Variants in DMPK observed in about 807,000 individuals in gnomAD.
DMPK encodes DM1 protein kinase.
A neutral mutation model predicts 70.3 loss-of-function variants in DMPK; 32 were observed. The observed-to-expected ratio is 0.46, with a 90% CI of 0.34 to 0.61. DMPK has a LOEUF of 0.61. Ranked by LOEUF, DMPK falls within the 20% of genes least tolerant of loss-of-function variation. The pLI, the probability that DMPK is intolerant of heterozygous loss-of-function variation, is 0.01. For synonymous variants in DMPK, 469 were observed against 390.9 expected (o/e 1.20, Z -2.36); for missense variants, 899 against 886.0 (o/e 1.01, Z -0.19).
intron 9 of DMPK, 105 bp from the exon 10 acceptor site, chr19:45,772,857 C>T: frequency 1.8e-6 from 1 of 568,746 alleles, no homozygotes; most frequent in South Asian, 2.9e-5. Context: ...CCAAGACCTC[C>T]TGATTTGAGG....
intron 8 of DMPK, 59 bp from the exon 9 acceptor site, chr19:45,775,093 T>C (rs638474): frequency 7.2e-7 from 1 of 1,379,796 alleles, no homozygotes; most frequent in East Asian, 2.4e-5. Context: ...CACTGCTTTT[T>C]GATCTTGGCT....
intron 9 of DMPK, among the ~76,000 whole-genome samples, chr19:45,773,507 A>C (rs1197455503): frequency 6.6e-6 from 1 of 152,166 alleles, no homozygotes; most frequent in African/African-American, 2.4e-5. Flanking sequence ...AAACCAAAAA[A>C]ACACCTGTTC....
intron 1 of DMPK, chr19:45,780,455 C>T: frequency 8.0e-7 from 1 of 1,253,990 alleles, no homozygotes; most frequent in Non-Finnish European, 1.0e-6. Flanking sequence ...TCCGGTCCAG[C>T]CCATCTCTCA....
intron 10 of DMPK, chr19:45,772,402 C>G: frequency 2.4e-6 from 1 of 420,500 alleles, no homozygotes; most frequent in Non-Finnish European, 4.2e-6. Context: ...TTCTCCTTCA[C>G]CAGCGCTCAG....
At chr19:45,772,240 C>T (rs1568574871) in intron 10 of DMPK, 1 of 409,054 alleles carries the variant, frequency 2.4e-6, no homozygotes, top group Non-Finnish European at 4.3e-6. Context: ...AAAGGCCTTG[C>T]TGGGTTTTGT....
Position 45,782,436 on chromosome 19 carries a change from C to A in DMPK, c.-84G>T, listed in dbSNP as rs1005916014. Reference sequence around the variant, plus strand: ...CAGGGCCTGGCAGCCCCTGTCCAGGCCCTGGAGCCCTGGCTGCATGTCTGC... The same window carrying A: ...CAGGGCCTGGCAGCCCCTGTCCAGGACCTGGAGCCCTGGCTGCATGTCTGC... On this transcript the variant is annotated 5_prime_UTR_variant, in exon 1 of 15. Coordinates refer to ENST00000291270, the MANE Select transcript of DMPK (RefSeq NM_004409.5). The A allele has an allele frequency of 7.2e-6, 10 of 1,388,444 alleles. No individual in the cohort carries two copies. Among genetic ancestry groups the A allele is most frequent in the South Asian group, 1.5e-5 (1 of 67,260 alleles). 86.0% of individuals were successfully genotyped at this position (1,388,444 alleles called of 1,614,324 possible). A position where few individuals can be genotyped will look rare whatever the true frequency, so the allele number is the denominator to read the frequency against.
intron 8 of DMPK, chr19:45,775,270 C>T (rs1427412354): frequency 6.7e-6 from 3 of 444,466 alleles, no homozygotes; most frequent in African/African-American, 2.1e-5. Flanking sequence ...CAGGTTCAGG[C>T]GATTCTCCTG....
intron 1 of DMPK, chr19:45,780,404 G>A: frequency 7.1e-7 from 1 of 1,413,140 alleles, no homozygotes; most frequent in Non-Finnish European, 9.4e-7. Context: ...ACAGGACAGG[G>A]AGACAAAGGT....
At position 45,770,262 on chromosome 19, in the gene DMPK, C is replaced by CAGCAGCAGCAGCAGCAGCATT. The variant is rs1376805049; in HGVS notation, c.*225_*226insAATGCTGCTGCTGCTGCTGCT. 13 of 644,020 alleles carry CAGCAGCAGCAGCAGCAGCATT rather than the reference C, an allele frequency of 2.0e-5. No individual in the cohort carries two copies. The East Asian group carries it at 3.6e-4, about 18-fold the overall frequency. The allele number at this position is 644,020 out of a possible 1,614,324, so 39.9% of individuals were successfully genotyped here. On this transcript the variant is annotated 3_prime_UTR_variant, in exon 15 of 15. Coordinates refer to ENST00000291270, the MANE Select transcript of DMPK (RefSeq NM_004409.5). ...GCAGCAGCAGCAGCAGCAGCAGCAG[C>CAGCAGCAGCAGCAGCAGCATT]AGCATTCCCGGCTACAAGGACCCTT...
chr19:45,771,624 G>C lies in DMPK; in HGVS notation c.1544C>G (p.Ala515Gly), dbSNP rs1311855397. The change falls in exon 12 of 15, where the codon GCA (alanine) becomes GGA (glycine). Residue 515 changes from alanine (A) to glycine (G), a missense_variant. By Grantham distance (60) the Ala-to-Gly change is moderately conservative. Transcript: ENST00000291270. ...CCGCTCCTGCAACTGCCGGACGTGT[G>C]CCTCTAGGTCCCGGTTCCGAGCCTC... ...EAEARNRDLEAHVRQLQERME... is the reference protein window; with the variant it reads ...EAEARNRDLEGHVRQLQERME... The C allele has an allele frequency of 6.2e-7, 1 of 1,613,948 alleles. No individual in the cohort carries two copies. Among genetic ancestry groups the C allele is most frequent in the Non-Finnish European group, 8.5e-7 (1 of 1,179,966 alleles).
rs773115494 is a variant in DMPK at position 45,782,281 on chromosome 19, G to T, written c.72C>A (p.Pro24=). 4.4e-6 allele frequency: 7 copies of T among 1,603,414 alleles called. No individual in the cohort carries two copies. In the South Asian group the frequency reaches 7.8e-5, roughly 18 times the overall value. Residue 24 remains proline (P), a synonymous_variant, in exon 1 of 15, where the codon CCC becomes CCA. Transcript: ENST00000291270. ...VLDPGFLGLE[P]LLDLLLGVHQ... is the part of the protein sequence containing the mutation. The stretch of plus-strand genomic sequence containing the variant: ...GGACGCCCAGGAGAAGGTCGAGCAG[G>T]GGCTCCAGCCCCAGGAAGCCCGGGT...
At position 45,779,377 on chromosome 19, in the gene DMPK, G is replaced by C. The variant is rs1351251586; in HGVS notation, c.337-18C>G. ...CACGACACCTGCAGGGCACCCGGAG[G>C]AGCTGCAGCCGGAGACGGGGCGCGG... is the stretch of plus-strand genomic sequence containing the variant. On this transcript the variant is annotated intron_variant, in intron 3 of 14. Transcript: ENST00000291270. The C allele has an allele frequency of 6.2e-7, 1 of 1,613,986 alleles. No individual in the cohort carries two copies.
intron 2 of DMPK, 71 bp from the exon 3 acceptor site, chr19:45,779,593 C>T (rs1600446580): frequency 1.3e-6 from 2 of 1,594,346 alleles, no homozygotes; most frequent in East Asian, 4.5e-5. Context: ...CCCAACTCCA[C>T]CCGCTTCTGC....
chr19:45,772,241 TG>T, intron 10 of DMPK: 1 of 407,252 alleles, frequency 2.5e-6, no homozygotes, highest in Non-Finnish European at 4.4e-6. Flanking sequence ...AAGGCCTTGC[TG>T]GGTTTTGTTT....
chr19:45,779,312 C>G lies in DMPK; in HGVS notation c.384G>C (p.Arg128=), dbSNP rs748803132. The change falls in exon 4 of 15, where the codon CGG becomes CGC. Residue 128 remains arginine, a synonymous_variant. Coordinates refer to ENST00000291270, the MANE Select transcript of DMPK (RefSeq NM_004409.5). ...EERDVLVNGD[R]RWITQLHFAF... is the part of the protein sequence containing the mutation. Reference sequence around the variant, plus strand: ...CGAAGTGCAGCTGCGTGATCCACCGCCGGTCCCCATTCACCAACACGTCCC... The same window carrying G: ...CGAAGTGCAGCTGCGTGATCCACCGGCGGTCCCCATTCACCAACACGTCCC... 1.4e-5 allele frequency: 22 copies of G among 1,614,090 alleles called. No homozygotes were observed. The highest frequency in any genetic ancestry group is 1.8e-5 in the Non-Finnish European group (21 of 1,180,030).
intron 9 of DMPK, among the ~76,000 whole-genome samples, 185 bp downstream of exon 9, chr19:45,774,764 T>C (rs1600428077): frequency 6.6e-6 from 1 of 152,326 alleles, no homozygotes. Context: ...AAATTCAATC[T>C]AACATTTTGA....
Position 45,776,134 on chromosome 19 carries a change from ATTTTTTTTTTTT to A in DMPK, c.1147-1112_1147-1101del, listed in dbSNP as rs534946812. ...ACAGCGCCCGGCCGCGGTCCAGCCTATTTTTTTTTTTTTTTTTTTTTTTTTCTGAGACAGAGT... is the reference window on the plus strand; with the variant it reads ...ACAGCGCCCGGCCGCGGTCCAGCCTATTTTTTTTTTTTTCTGAGACAGAGT... On this transcript the variant is annotated intron_variant, in intron 8 of 14. Coordinates refer to ENST00000291270, the MANE Select transcript of DMPK (RefSeq NM_004409.5). Among the ~76,000 whole-genome samples, 2 of 48,370 alleles carry A rather than the reference ATTTTTTTTTTTT, an allele frequency of 4.1e-5. 1 individual carries two copies. Among genetic ancestry groups the A allele is most frequent in the East Asian group, 1.6e-3 (2 of 1,238 alleles). The allele number at this position is 48,370 out of a possible 152,430, so 31.7% of individuals were successfully genotyped here.
At chr19:45,773,701 A>G (rs1322225878) in intron 9 of DMPK, among the ~76,000 whole-genome samples, 1 of 152,124 alleles carries the variant, frequency 6.6e-6, no homozygotes. Flanking sequence ...CCTAGGCTGG[A>G]ATCTATCATG....
chr19:45,779,151 A>C, intron 4 of DMPK, 113 bp downstream of exon 4: 1 of 1,081,790 alleles, frequency 9.2e-7, no homozygotes, highest in South Asian at 1.3e-5. Flanking sequence ...AGACTTTCCC[A>C]CAGACGTTTC....
Sources: allele counts gnomAD v4.1 joint callset (sites outside exome capture counted in the v4.1 genomes callset), GRCh38; gene constraint gnomAD v4.1.1; transcripts MANE v1.5; gene names NCBI Gene and HGNC (gene_info 2026-07-23, HGNC 2026-07-21).